Variants in HECW2 observed in about 807,000 individuals in gnomAD.
HECW2 encodes HECT, C2 and WW domain containing E3 ubiquitin protein ligase 2.
HECW2 carries 61 observed loss-of-function variants against 175.2 expected under a neutral mutation model. The observed-to-expected ratio is 0.35, with a 90% confidence interval of 0.28 to 0.43. The LOEUF is 0.43. Among genes scored for constraint, HECW2 ranks in the 20% least tolerant of loss-of-function variants. The pLI is 1.00. For synonymous variants in HECW2, 671 were observed against 731.0 expected (o/e 0.92, Z 1.32); for missense variants, 1,524 against 2,000.5 (o/e 0.76, Z 4.54).
chr2:196,519,792 A>C (rs1688286813), intron 1 of HECW2, among the ~76,000 whole-genome samples: 1 of 152,204 alleles, frequency 6.6e-6, no homozygotes, highest in Admixed American at 6.5e-5. Flanking sequence ...AATTTACTTT[A>C]AAATACGAGA....
chr2:196,448,092 T>C (rs1696238780), intron 1 of HECW2, among the ~76,000 whole-genome samples: 1 of 152,154 alleles, frequency 6.6e-6, no homozygotes, highest in Non-Finnish European at 1.5e-5. Flanking sequence ...ACTTCATTTG[T>C]TATTTGTTCC....
intron 2 of HECW2, among the ~76,000 whole-genome samples, chr2:196,410,880 G>GT (rs1464006267): frequency 6.6e-6 from 1 of 152,104 alleles, no homozygotes; most frequent in Admixed American, 6.5e-5. Context: ...ATCCACAAAC[G>GT]TAACAACATA....
chr2:196,238,878 C>T (rs887211346), intron 21 of HECW2: 2 of 152,202 alleles, frequency 1.3e-5, no homozygotes, highest in Non-Finnish European at 2.9e-5. Flanking sequence ...TCATGATAAA[C>T]GTCTGTTCTA....
At position 196,319,161 on chromosome 2, in the gene HECW2, T is replaced by C. The variant is rs762696062; in HGVS notation, c.1729A>G (p.Thr577Ala). The change falls in exon 9 of 29, where the codon ACA becomes GCA. Residue 577 changes from threonine (T) to alanine (A), a missense_variant. Thr to Ala is a moderately conservative substitution (Grantham distance 58). Coordinates refer to ENST00000644978, the MANE Select transcript of HECW2 (RefSeq NM_001348768.2). Reference protein sequence around the residue: ...LCGSQEVDQPTSGADTGTSDA... With the variant: ...LCGSQEVDQPASGADTGTSDA... ...GAAGTCCCTGTGTCTGCGCCACTTG[T>C]GGGCTGATCTACCTCTTGAGAGCCA... 1.3e-6 allele frequency: 2 copies of C among 1,595,070 alleles called. No homozygotes were observed. Among genetic ancestry groups the C allele is most frequent in the Non-Finnish European group, 1.7e-6 (2 of 1,169,696 alleles).
rs1181216133 is a variant in HECW2, at chr2:196,522,402, C to T, written c.-36+71106G>A. On this transcript the variant is annotated intron_variant, in intron 1 of 28. Coordinates refer to ENST00000644978, the MANE Select transcript of HECW2 (RefSeq NM_001348768.2). ...AGCCCTTTGTCAGATGAGTAGGTTGCGAAAACTTTCTCCCATTCTGTAGGT... is the reference window on the plus strand; with the variant it reads ...AGCCCTTTGTCAGATGAGTAGGTTGTGAAAACTTTCTCCCATTCTGTAGGT... 5.9e-5 allele frequency among the ~76,000 whole-genome samples: 9 copies of T among 152,196 alleles called. No individual in the cohort carries two copies. The East Asian group carries it at 9.6e-4, about 16-fold the overall frequency.
chr2:196,225,300 A>G (rs1434783338), intron 23 of HECW2, among the ~76,000 whole-genome samples: 1 of 152,236 alleles, frequency 6.6e-6, no homozygotes. Flanking sequence ...ACAAACAAAT[A>G]AAAAACAAAA....
intron 6 of HECW2, among the ~76,000 whole-genome samples, chr2:196,323,152 T>C (rs887284249): frequency 2.0e-5 from 3 of 152,234 alleles, no homozygotes; most frequent in Non-Finnish European, 4.4e-5. Context: ...AATGTTTAAA[T>C]GGAATTTTTC....
At chr2:196,555,362 G>C (rs1458366088) in intron 1 of HECW2, among the ~76,000 whole-genome samples, 1 of 152,100 alleles carries the variant, frequency 6.6e-6, no homozygotes, top group Admixed American at 6.5e-5. Flanking sequence ...CATGGGGCCT[G>C]TTTTGTAAGG....
intron 2 of HECW2, among the ~76,000 whole-genome samples, chr2:196,354,423 G>A (rs183726980): frequency 6.6e-6 from 1 of 152,324 alleles, no homozygotes; most frequent in East Asian, 1.9e-4. Context: ...TAGGGGCTGA[G>A]CACACAGTCG....
chr2:196,539,437 C>G (rs1211878771), intron 1 of HECW2, among the ~76,000 whole-genome samples: 1 of 152,106 alleles, frequency 6.6e-6, no homozygotes, highest in African/African-American at 2.4e-5. Flanking sequence ...TGTAGACCAT[C>G]CTGGCTAACA....
chr2:196,446,013 C>A (rs1220992713), intron 1 of HECW2, among the ~76,000 whole-genome samples: 1 of 152,114 alleles, frequency 6.6e-6, no homozygotes, highest in Non-Finnish European at 1.5e-5. Flanking sequence ...TGTTCTCTAC[C>A]AAAAATCCTC....
chr2:196,448,492 C>G (rs1696252418), intron 1 of HECW2, among the ~76,000 whole-genome samples: 1 of 152,144 alleles, frequency 6.6e-6, no homozygotes, highest in African/African-American at 2.4e-5. Context: ...CATATGGAAC[C>G]CAGGTTTATC....
intron 21 of HECW2, among the ~76,000 whole-genome samples, chr2:196,234,234 A>G (rs1459075582): frequency 3.9e-5 from 6 of 151,966 alleles, no homozygotes. Flanking sequence ...GGGTATTAAG[A>G]AATTAGTGGC....
At chr2:196,284,961 C>G (rs1302533341) in intron 14 of HECW2, among the ~76,000 whole-genome samples, 1 of 152,140 alleles carries the variant, frequency 6.6e-6, no homozygotes, top group Admixed American at 6.5e-5. Flanking sequence ...AGGAAATTCA[C>G]TCAAGCTTTA....
At chr2:196,446,988 TAA>T (rs1044638570) in intron 1 of HECW2, among the ~76,000 whole-genome samples, 7 of 152,232 alleles carry the variant, frequency 4.6e-5, no homozygotes, top group Admixed American at 4.6e-4. Context: ...AAAATAATAA[TAA>T]ACTACTCAAT....
chr2:196,352,686 C>T (rs538359213), intron 2 of HECW2, among the ~76,000 whole-genome samples: 3 of 152,232 alleles, frequency 2.0e-5, no homozygotes, highest in Non-Finnish European at 4.4e-5. Flanking sequence ...CACCTGCACA[C>T]TCACACTTCT....
Position 196,201,401 on chromosome 2 carries a change from G to A in HECW2, c.4608-13C>T, listed in dbSNP as rs760366034. 2 of 1,568,060 alleles carry A rather than the reference G, an allele frequency of 1.3e-6. No homozygotes were observed. The highest frequency in any genetic ancestry group is 1.8e-6 in the Non-Finnish European group (2 of 1,138,220). ...ACATGTATGCGCTCTGAAAACACAAGAAACAGCACATAGTTTAGAACAGGC... is the reference window on the plus strand; with the variant it reads ...ACATGTATGCGCTCTGAAAACACAAAAAACAGCACATAGTTTAGAACAGGC... On this transcript the variant is annotated splice_polypyrimidine_tract_variant and intron_variant, in intron 28 of 28. Transcript: ENST00000644978.
intron 1 of HECW2, among the ~76,000 whole-genome samples, chr2:196,488,629 T>TACAC (rs139434140): frequency 0.02 from 2,979 of 147,160 alleles, 89 homozygotes; most frequent in African/African-American, 0.067. Flanking sequence ...GAAGAATGAA[T>TACAC]ACACACACAC....
chr2:196,437,519 C>T (rs1295315593), intron 1 of HECW2, among the ~76,000 whole-genome samples: 1 of 150,038 alleles, frequency 6.7e-6, no homozygotes. Context: ...GGCTGAGGCA[C>T]GAGAATCGCT....
Sources: gnomAD v4.1 joint callset for allele counts (sites outside exome capture counted in the v4.1 genomes callset) on GRCh38, gnomAD v4.1.1 for gene constraint, MANE v1.5 for transcripts, NCBI Gene and HGNC (gene_info 2026-07-23, HGNC 2026-07-21) for gene names.